The following GPM6A variants were observed in gnomAD, a reference collection of about 807,000 sequenced individuals.
The protein encoded by GPM6A is glycoprotein M6A, also known as neuronal membrane glycoprotein M6-a.
In GPM6A, 7 loss-of-function variants were observed where a neutral mutation model predicts 32.1. That is an observed-to-expected ratio of 0.22 (90% CI 0.12 to 0.41). GPM6A has a LOEUF of 0.41. Ranked by LOEUF, GPM6A falls within the 10% of genes least tolerant of loss-of-function variation. GPM6A has a pLI of 1.00. For missense variants in GPM6A, 235 were observed against 347.2 expected (o/e 0.68, Z 2.57); for synonymous variants, 130 against 123.4 (o/e 1.05, Z -0.35).
At chr4:175,953,170 T>C (rs1739874010) in intron 1 of GPM6A, among the ~76,000 whole-genome samples, 1 of 146,266 alleles carries the variant, frequency 6.8e-6, no homozygotes, top group African/African-American at 2.5e-5. Flanking sequence ...CTAAATTTTA[T>C]AAAACAAATA....
At chr4:175,734,836 G>A (rs545161612) in intron 1 of GPM6A, among the ~76,000 whole-genome samples, 1 of 152,164 alleles carries the variant, frequency 6.6e-6, no homozygotes, top group South Asian at 2.1e-4. Flanking sequence ...TTGAGCCATT[G>A]CACTCCAGCC....
intron 1 of GPM6A, among the ~76,000 whole-genome samples, chr4:175,900,034 C>T (rs1177663699): frequency 2.0e-5 from 3 of 151,970 alleles, no homozygotes; most frequent in East Asian, 1.9e-4. Context: ...AATCCCAGCA[C>T]GTTGGGAGGC....
Position 175,748,223 on chromosome 4 carries a change from G to A in GPM6A, c.38-46456C>T, listed in dbSNP as rs752717738. Reference sequence around the variant, plus strand: ...AATGTCGATGTTTTGACCTCCTACCGTGAATAATGAAAATGTTCTTAATGG... The same window carrying A: ...AATGTCGATGTTTTGACCTCCTACCATGAATAATGAAAATGTTCTTAATGG... On this transcript the variant is annotated intron_variant, in intron 1 of 6. Coordinates refer to ENST00000393658, the MANE Select transcript of GPM6A (RefSeq NM_201591.3). Among the ~76,000 whole-genome samples, 5 of 152,046 alleles carry A rather than the reference G, an allele frequency of 3.3e-5. No homozygotes were observed. The South Asian group carries it at 6.2e-4, about 19-fold the overall frequency.
At chr4:175,938,677 C>A (rs1413695405) in intron 1 of GPM6A, among the ~76,000 whole-genome samples, 1 of 149,550 alleles carries the variant, frequency 6.7e-6, no homozygotes, top group Non-Finnish European at 1.5e-5. Flanking sequence ...ATTGTAGATT[C>A]TGGGTATTAG....
intron 1 of GPM6A, among the ~76,000 whole-genome samples, chr4:175,913,880 T>TA (rs1430588755): frequency 6.6e-5 from 10 of 152,314 alleles, no homozygotes; most frequent in African/African-American, 2.4e-4. Context: ...TAACAGAATA[T>TA]AAAAAACCCT....
At chr4:175,863,545 T>C (rs1236807188) in intron 1 of GPM6A, among the ~76,000 whole-genome samples, 1 of 152,176 alleles carries the variant, frequency 6.6e-6, no homozygotes, top group Admixed American at 6.6e-5. Flanking sequence ...TAAACACTTG[T>C]TTATGAGTCT....
At chr4:175,688,707 C>A (rs1007185349) in intron 2 of GPM6A, among the ~76,000 whole-genome samples, 1 of 152,184 alleles carries the variant, frequency 6.6e-6, no homozygotes, top group African/African-American at 2.4e-5. Flanking sequence ...ATCCTAATTA[C>A]CCTGATTAGA....
chr4:175,749,541 G>A (rs1732238845), intron 1 of GPM6A, among the ~76,000 whole-genome samples: 1 of 152,128 alleles, frequency 6.6e-6, no homozygotes, highest in Non-Finnish European at 1.5e-5. Flanking sequence ...GCATACAGAA[G>A]ATAGCTTTAA....
intron 1 of GPM6A, among the ~76,000 whole-genome samples, chr4:175,965,922 A>T (rs960693096): frequency 6.6e-6 from 1 of 151,866 alleles, no homozygotes; most frequent in South Asian, 2.1e-4. Context: ...AAGAGGGTCT[A>T]TTTCTGTTGA....
chr4:175,980,094 C>A (rs1207076714), intron 1 of GPM6A, among the ~76,000 whole-genome samples: 3 of 152,224 alleles, frequency 2.0e-5, no homozygotes, highest in Admixed American at 6.5e-5. Context: ...TATCATTTTA[C>A]AAAAGTTAAA....
intron 1 of GPM6A, among the ~76,000 whole-genome samples, chr4:175,876,338 G>A (rs138082673): frequency 2.6e-4 from 39 of 152,234 alleles, no homozygotes; most frequent in African/African-American, 8.7e-4. Context: ...TCATGCAATG[G>A]CCAAAGTCAT....
intron 1 of GPM6A, among the ~76,000 whole-genome samples, chr4:175,838,136 C>CACACACACAT (rs1356829887): frequency 1.3e-5 from 2 of 150,666 alleles, no homozygotes; most frequent in African/African-American, 4.9e-5. Context: ...CACACACACA[C>CACACACACAT]ACACGCACCC....
chr4:175,680,251 C>A (rs935660542), intron 2 of GPM6A, among the ~76,000 whole-genome samples: 2 of 152,084 alleles, frequency 1.3e-5, no homozygotes, highest in African/African-American at 4.8e-5. Flanking sequence ...CCCAGTCTAT[C>A]GCTACAGGGA....
At chr4:176,000,894 C>T (rs1024690449) in intron 1 of GPM6A, among the ~76,000 whole-genome samples, 1 of 152,124 alleles carries the variant, frequency 6.6e-6, no homozygotes, top group African/African-American at 2.4e-5. Context: ...TCTTTTTTAA[C>T]CTGAAAATAC....
At chr4:175,995,438 A>G (rs1741276850) in intron 1 of GPM6A, among the ~76,000 whole-genome samples, 1 of 152,074 alleles carries the variant, frequency 6.6e-6, no homozygotes, top group Non-Finnish European at 1.5e-5. Flanking sequence ...GAAGTGCAAC[A>G]AGACAGGGTA....
intron 1 of GPM6A, among the ~76,000 whole-genome samples, chr4:175,782,372 CA>C (rs1428571682): frequency 2.0e-5 from 3 of 151,956 alleles, no homozygotes; most frequent in African/African-American, 7.3e-5. Flanking sequence ...AAGGTTCCTA[CA>C]AAAAAGTCAC....
intron 1 of GPM6A, among the ~76,000 whole-genome samples, chr4:175,996,934 C>T (rs908226665): frequency 1.3e-5 from 2 of 151,974 alleles, no homozygotes; most frequent in Non-Finnish European, 2.9e-5. Context: ...TCATAAGAAT[C>T]TTTGCAGCTT....
At chr4:175,776,588 G>A (rs893065336) in intron 1 of GPM6A, among the ~76,000 whole-genome samples, 1 of 152,168 alleles carries the variant, frequency 6.6e-6, no homozygotes, top group East Asian at 1.9e-4. Flanking sequence ...TAGCAACAAC[G>A]AAGAAGCTGC....
chr4:175,662,459 G>A (rs1230856863), intron 3 of GPM6A, among the ~76,000 whole-genome samples: 2 of 151,964 alleles, frequency 1.3e-5, no homozygotes, highest in African/African-American at 4.8e-5. Context: ...AATTAGCCAG[G>A]CATGGTGGTT....
Sources: gnomAD v4.1 joint callset for allele counts (sites outside exome capture counted in the v4.1 genomes callset) on GRCh38, gnomAD v4.1.1 for gene constraint, MANE v1.5 for transcripts, NCBI Gene and HGNC (gene_info 2026-07-23, HGNC 2026-07-21) for gene names.